The following ADAMDEC1 variants were observed in gnomAD, a reference collection of about 807,000 sequenced individuals.
ADAMDEC1 encodes the protein ADAM like decysin 1, also known as ADAM DEC1.
A neutral mutation model predicts 60.4 loss-of-function variants in ADAMDEC1; 62 were observed. The observed-to-expected ratio is 1.03, with a 90% confidence interval of 0.84 to 1.27. ADAMDEC1 has a LOEUF of 1.27. Ranked by LOEUF, ADAMDEC1 falls within the 50% of genes most tolerant of loss-of-function variation. ADAMDEC1 has a pLI of 0.00. For synonymous variants in ADAMDEC1, 210 were observed against 195.1 expected (o/e 1.08, Z -0.64); for missense variants, 595 against 565.0 (o/e 1.05, Z -0.54).
chr8:24,401,822 T>G, intron 11 of ADAMDEC1, 93 bp from the exon 12 acceptor site: 1 of 1,120,944 alleles, frequency 8.9e-7, no homozygotes. Flanking sequence ...GTTAGATAAA[T>G]CAGAGTCTCG....
chr8:24,395,685 C>A, intron 4 of ADAMDEC1, 35 bp from the exon 5 acceptor site: 1 of 1,432,212 alleles, frequency 7.0e-7, no homozygotes, highest in Non-Finnish European at 9.8e-7. Flanking sequence ...CACACACACA[C>A]ATTTCTGAAG....
chr8:24,394,078 G>A lies in ADAMDEC1; in HGVS notation c.294G>A (p.Leu98=). The A allele has an allele frequency of 6.2e-7, 1 of 1,612,666 alleles. No homozygotes were observed. The highest frequency in any genetic ancestry group is 8.5e-7 in the Non-Finnish European group (1 of 1,178,868). The stretch of plus-strand genomic sequence containing the variant: ...TCTCTGCTCTCTACAGGCACCTCCT[G>A]GGGCCAGACTACACTGAAACATTGT... ...ILSLQKTKHL[L]GPDYTETLYS... is the part of the protein sequence containing the mutation. Residue 98 remains leucine (L), a synonymous_variant, in exon 4 of 14, where the codon CTG becomes CTA. Coordinates refer to ENST00000256412, the MANE Select transcript of ADAMDEC1 (RefSeq NM_014479.3).
chr8:24,390,735 AAAAC>A (rs1817423008), intron 1 of ADAMDEC1, among the ~76,000 whole-genome samples: 1 of 151,890 alleles, frequency 6.6e-6, no homozygotes, highest in African/African-American at 2.4e-5. Flanking sequence ...AAAACAAAAC[AAAAC>A]AAAACAAAAC....
intron 10 of ADAMDEC1, 29 bp from the exon 11 acceptor site, chr8:24,400,141 G>A (rs1426572782): frequency 6.7e-7 from 1 of 1,481,984 alleles, no homozygotes; most frequent in Non-Finnish European, 9.0e-7. Context: ...AATAAAAAAA[G>A]AATAAATAAA....
intron 13 of ADAMDEC1, 87 bp downstream of exon 13, chr8:24,404,175 C>T: frequency 9.1e-7 from 1 of 1,094,946 alleles, no homozygotes; most frequent in Non-Finnish European, 1.3e-6. Flanking sequence ...TTCCATAATA[C>T]ACTAAAACAC....
chr8:24,398,630 A>G (rs1481566983), intron 8 of ADAMDEC1, 79 bp downstream of exon 8: 5 of 1,156,218 alleles, frequency 4.3e-6, no homozygotes, highest in Non-Finnish European at 6.2e-6. Context: ...TTCACCAACA[A>G]GAAGTTAAAA....
At position 24,393,262 on chromosome 8, in the gene ADAMDEC1, GA is replaced by G; in HGVS notation, c.211del (p.Arg71GlyfsTer10). ...NNQTEKHGKE[E>X]RYEPEVQYQM... Reference sequence around the variant, plus strand: ...GCTTGATGTAATTAAATGTTTTCAGGAAAGGTATGAACCTGAAGTTCAATAT... The same window carrying G: ...GCTTGATGTAATTAAATGTTTTCAGGAAGGTATGAACCTGAAGTTCAATAT... On this transcript the variant is annotated frameshift_variant and splice_region_variant, in exon 3 of 14. Coordinates refer to ENST00000256412, the MANE Select transcript of ADAMDEC1 (RefSeq NM_014479.3). LOFTEE classifies it high-confidence loss of function. The G allele has an allele frequency of 6.4e-7, 1 of 1,572,134 alleles. No homozygotes were observed. The highest frequency in any genetic ancestry group is 8.7e-7 in the Non-Finnish European group (1 of 1,155,190).
At chr8:24,399,846 C>G (rs1488304876) in intron 10 of ADAMDEC1, among the ~76,000 whole-genome samples, 2 of 152,094 alleles carry the variant, frequency 1.3e-5, no homozygotes, top group Non-Finnish European at 2.9e-5. Context: ...GCCAAGAACT[C>G]CAGTGTCATA....
rs550052148 is a variant in ADAMDEC1, at chr8:24,405,506, T to C, written c.*208T>C. On this transcript the variant is annotated 3_prime_UTR_variant, in exon 14 of 14. Coordinates refer to ENST00000256412, the MANE Select transcript of ADAMDEC1 (RefSeq NM_014479.3). ...TAGGCCTAATCTTTCTTTTTACTTTTTTTTTTCTTTTTTCTTTTTTTTTAA... is the reference window on the plus strand; with the variant it reads ...TAGGCCTAATCTTTCTTTTTACTTTCTTTTTTCTTTTTTCTTTTTTTTTAA... The C allele has an allele frequency of 1.8e-5, 9 of 491,768 alleles. No homozygotes were observed. Among genetic ancestry groups the C allele is most frequent in the Admixed American group, 4.0e-5 (1 of 25,234 alleles). 30.5% of individuals were successfully genotyped at this position (491,768 alleles called of 1,614,324 possible). A position where few individuals can be genotyped will look rare whatever the true frequency, so the allele number is the denominator to read the frequency against.
Position 24,397,469 on chromosome 8 carries a change from C to T in ADAMDEC1, c.627+13C>T, listed in dbSNP as rs770530653. The T allele has an allele frequency of 6.2e-6, 10 of 1,608,010 alleles. No individual in the cohort carries two copies. The highest frequency in any genetic ancestry group is 1.1e-5 in the South Asian group (1 of 89,834). ...CAAAAGCCCAGAGGTGAATACAATT[C>T]CCTTACCTCATCATTTACTTCAATT... On this transcript the variant is annotated intron_variant, in intron 6 of 13. Transcript: ENST00000256412.
At chr8:24,386,340 C>T (rs1364359511) in intron 1 of ADAMDEC1, among the ~76,000 whole-genome samples, 4 of 152,146 alleles carry the variant, frequency 2.6e-5, no homozygotes, top group African/African-American at 7.2e-5. Flanking sequence ...AAAATCTTAC[C>T]ATCATTTTTA....
intron 5 of ADAMDEC1, among the ~76,000 whole-genome samples, chr8:24,396,586 T>C (rs932094909): frequency 6.6e-6 from 1 of 152,210 alleles, no homozygotes; most frequent in African/African-American, 2.4e-5. Flanking sequence ...TTATTAACAT[T>C]TTGTCATGTT....
At chr8:24,386,808 C>T (rs1179156467) in intron 1 of ADAMDEC1, among the ~76,000 whole-genome samples, 1 of 152,162 alleles carries the variant, frequency 6.6e-6, no homozygotes, top group African/African-American at 2.4e-5. Context: ...CGGGTCTGTC[C>T]CGCAGACCCT....
At chr8:24,400,918 A>G (rs938668562) in intron 11 of ADAMDEC1, among the ~76,000 whole-genome samples, 1 of 151,536 alleles carries the variant, frequency 6.6e-6, no homozygotes, top group African/African-American at 2.4e-5. Flanking sequence ...TAGTTTGCTC[A>G]GATTGATGGT....
intron 1 of ADAMDEC1, among the ~76,000 whole-genome samples, chr8:24,388,753 A>C (rs1225492234): frequency 6.6e-6 from 1 of 152,188 alleles, no homozygotes; most frequent in African/African-American, 2.4e-5. Context: ...TTTATTTCCA[A>C]CAAATCCACT....
intron 1 of ADAMDEC1, among the ~76,000 whole-genome samples, chr8:24,384,824 G>A (rs1304657031): frequency 6.6e-6 from 1 of 152,034 alleles, no homozygotes; most frequent in Non-Finnish European, 1.5e-5. Context: ...TCTAAAATTT[G>A]TCCTATTTCC....
chr8:24,394,889 T>C (rs1168861591), intron 4 of ADAMDEC1, among the ~76,000 whole-genome samples: 1 of 152,222 alleles, frequency 6.6e-6, no homozygotes, highest in Non-Finnish European at 1.5e-5. Context: ...TAGCTGATGA[T>C]ACATTAATGA....
intron 1 of ADAMDEC1, among the ~76,000 whole-genome samples, chr8:24,390,975 A>T (rs574047037): frequency 6.6e-6 from 1 of 151,460 alleles, no homozygotes; most frequent in South Asian, 2.1e-4. Flanking sequence ...GGGACTAGAC[A>T]TTATTAAAAT....
intron 1 of ADAMDEC1, among the ~76,000 whole-genome samples, chr8:24,385,674 CA>C (rs1817273531): frequency 6.6e-6 from 1 of 152,002 alleles, no homozygotes; most frequent in Admixed American, 6.6e-5. Flanking sequence ...ACTTCCTGGC[CA>C]AAAATCAAAT....
Sources: allele counts gnomAD v4.1 joint callset (sites outside exome capture counted in the v4.1 genomes callset), GRCh38; gene constraint gnomAD v4.1.1; transcripts MANE v1.5; gene names NCBI Gene and HGNC (gene_info 2026-07-23, HGNC 2026-07-21).